The following CASQ2 variants were observed in gnomAD, a reference collection of about 807,000 sequenced individuals.
CASQ2 encodes calsequestrin 2, also known as calsequestrin-2.
CASQ2 carries 49 observed loss-of-function variants against 46.5 expected under a neutral mutation model. That is an observed-to-expected ratio of 1.05 (90% confidence interval 0.84 to 1.34). The LOEUF (loss-of-function observed/expected upper bound fraction) is 1.34. Among genes scored for constraint, CASQ2 ranks in the 40% most tolerant of loss-of-function variants. CASQ2 has a pLI of 0.00. For synonymous variants in CASQ2, 174 were observed against 168.5 expected, an observed-to-expected ratio of 1.03 and a Z score of -0.25; for missense variants, 486 against 481.3, an observed-to-expected ratio of 1.01 and a Z score of -0.09.
At chr1:115,728,354 A>G (rs1365925950) in intron 5 of CASQ2, among the ~76,000 whole-genome samples, 1 of 152,194 alleles carries the variant, frequency 6.6e-6, no homozygotes, top group Non-Finnish European at 1.5e-5. Flanking sequence ...GAGATCAAGA[A>G]AACAGGCCAT....
Position 115,701,330 on chromosome 1 carries a change from T to G in CASQ2, c.1111A>C (p.Asn371His). The change falls in exon 11 of 11, where the codon AAC becomes CAC. Residue 371 changes from asparagine to histidine, a missense_variant. Asn to His is a moderately conservative substitution (Grantham distance 68). Coordinates refer to ENST00000261448, the MANE Select transcript of CASQ2 (RefSeq NM_001232.4). Reference protein sequence around the residue: ...WIEDVLSGKINTEDDDEDDDD... With the variant: ...WIEDVLSGKIHTEDDDEDDDD... Reference sequence around the variant, plus strand: ...TCATCTTCATCATCATCTTCAGTGTTTATCTTTCCAGAAAGCACATCCTCA... The same window carrying G: ...TCATCTTCATCATCATCTTCAGTGTGTATCTTTCCAGAAAGCACATCCTCA... 2 of 1,611,976 alleles carry G rather than the reference T, an allele frequency of 1.2e-6. No homozygotes were observed. The highest frequency in any genetic ancestry group is 1.1e-5 in the South Asian group (1 of 91,020).
intron 4 of CASQ2, among the ~76,000 whole-genome samples, chr1:115,733,883 A>G (rs189026140): frequency 5.9e-5 from 9 of 152,346 alleles, no homozygotes; most frequent in African/African-American, 2.2e-4. Flanking sequence ...AGAATTTACT[A>G]AGATTCTATC....
intron 1 of CASQ2, among the ~76,000 whole-genome samples, chr1:115,746,007 C>T (rs1035527774): frequency 1.3e-5 from 2 of 152,320 alleles, no homozygotes. Context: ...TTACCCTGGG[C>T]AACCACTAAT....
In CASQ2 at chr1:115,768,611, G is replaced by T; in HGVS notation, c.-70C>A. 2.1e-6 allele frequency: 2 copies of T among 967,022 alleles called. No individual in the cohort carries two copies. Among genetic ancestry groups the T allele is most frequent in the Admixed American group, 1.9e-5 (1 of 51,414 alleles). 59.9% of individuals were successfully genotyped at this position (967,022 alleles called of 1,614,324 possible). A position where few individuals can be genotyped will look rare whatever the true frequency, so the allele number is the denominator to read the frequency against. On this transcript the variant is annotated 5_prime_UTR_variant, in exon 1 of 11. Transcript: ENST00000261448. ...AATAGAGGACAGAAGACTGTTAGAG[G>T]CCTTGTTGAGCCAAGGAGAGAGCAG...
At chr1:115,743,417 A>C (rs2101098910) in intron 2 of CASQ2, among the ~76,000 whole-genome samples, 1 of 151,880 alleles carries the variant, frequency 6.6e-6, no homozygotes, top group South Asian at 2.1e-4. Context: ...CTAATTTTTA[A>C]ATTTTTTGTA....
chr1:115,700,706 T>G lies in CASQ2; in HGVS notation c.*535A>C. 3 of 320,190 alleles carry G rather than the reference T, an allele frequency of 9.4e-6. No individual in the cohort carries two copies. The highest frequency in any genetic ancestry group is 2.1e-5 in the African/African-American group (1 of 47,228). The allele number at this position is 320,190 out of a possible 1,614,324, so 19.8% of individuals were successfully genotyped here. A position where few individuals can be genotyped will look rare whatever the true frequency, so the allele number is the denominator to read the frequency against. On this transcript the variant is annotated 3_prime_UTR_variant, in exon 11 of 11. Coordinates refer to ENST00000261448, the MANE Select transcript of CASQ2 (RefSeq NM_001232.4). Reference sequence around the variant, plus strand: ...GTTTAACAAAGCCATGAGAATATGATTTATAAGTTTGCTTCCAAGGCTGAG... The same window carrying G: ...GTTTAACAAAGCCATGAGAATATGAGTTATAAGTTTGCTTCCAAGGCTGAG...
chr1:115,737,450 C>T (rs1323304049), intron 4 of CASQ2, among the ~76,000 whole-genome samples: 2 of 152,144 alleles, frequency 1.3e-5, no homozygotes, highest in African/African-American at 4.8e-5. Flanking sequence ...TGAATGCTAC[C>T]AGAGTTATGC....
rs1654193811 is a variant in CASQ2 at position 115,701,265 on chromosome 1, GTCA to G, written c.1173_1175del (p.Asp392del). The G allele has an allele frequency of 1.2e-6, 2 of 1,604,408 alleles. No homozygotes were observed. Among genetic ancestry groups the G allele is most frequent in the African/African-American group, 1.3e-5 (1 of 74,790 alleles). ...GCTATTCATCATCATCGTCATCACT[GTCA>G]TCATTATCCTCTTCATCAGAATTAT... On this transcript the variant is annotated inframe_deletion, in exon 11 of 11. Transcript: ENST00000261448.
chr1:115,733,003 A>C (rs1647840723), intron 4 of CASQ2, 29 bp from the exon 5 acceptor site: 2 of 1,516,738 alleles, frequency 1.3e-6, no homozygotes, highest in African/African-American at 2.7e-5. Context: ...ATGAAGGGAG[A>C]GACATTTTCA....
At chr1:115,706,889 G>A (rs999464884) in intron 8 of CASQ2, among the ~76,000 whole-genome samples, 3 of 152,072 alleles carry the variant, frequency 2.0e-5, no homozygotes, top group Admixed American at 6.6e-5. Context: ...TGCATTCCAG[G>A]CAAAACGCAT....
chr1:115,766,907 A>G (rs970714972), intron 1 of CASQ2, among the ~76,000 whole-genome samples: 2 of 141,228 alleles, frequency 1.4e-5, no homozygotes, highest in African/African-American at 2.5e-5. Flanking sequence ...AGATAGATAG[A>G]TAGATAGATA....
At chr1:115,729,718 C>A (rs747828303) in intron 5 of CASQ2, among the ~76,000 whole-genome samples, 49 of 152,086 alleles carry the variant, frequency 3.2e-4, no homozygotes, top group Admixed American at 5.9e-4. Flanking sequence ...TTAGTTGTTG[C>A]CAATGAAACC....
chr1:115,718,868 A>G (rs747861758), intron 7 of CASQ2, among the ~76,000 whole-genome samples: 4 of 152,170 alleles, frequency 2.6e-5, no homozygotes, highest in Non-Finnish European at 4.4e-5. Flanking sequence ...CTCTGCTATC[A>G]CAAATGTGAT....
chr1:115,740,825 A>G lies in CASQ2; in HGVS notation c.323T>C (p.Phe108Ser). The G allele has an allele frequency of 6.2e-7, 1 of 1,607,100 alleles. No individual in the cohort carries two copies. Among genetic ancestry groups the G allele is most frequent in the African/African-American group, 1.3e-5 (1 of 74,890 alleles). Residue 108 changes from phenylalanine (F) to serine (S), a missense_variant, in exon 3 of 11, where the codon TTT becomes TCT. Coordinates refer to ENST00000261448, the MANE Select transcript of CASQ2 (RefSeq NM_001232.4). Reference sequence around the variant, plus strand: ...AATATACAGGCTTCCTTCTTCATCAAAACCTGTAAGAAACAAAGAGGCCCA... The same window carrying G: ...AATATACAGGCTTCCTTCTTCATCAGAACCTGTAAGAAACAAAGAGGCCCA... ...KEAKLAKKLG[F>S]DEEGSLYILK...
At chr1:115,761,429 GAAGAAGAAGA>G (rs1557806503) in intron 1 of CASQ2, among the ~76,000 whole-genome samples, 5 of 2,128 alleles carry the variant, frequency 2.3e-3, no homozygotes, top group Admixed American at 3.4e-3. Context: ...AGAAGAAGAA[GAAGAAGAAGA>G]AAGAAGAAGA....
chr1:115,700,209 GA>G lies in CASQ2; in HGVS notation c.*1031del, dbSNP rs1245895201. 6.9e-6 allele frequency: 1 copy of G among 145,814 alleles called. No individual in the cohort carries two copies. The highest frequency in any genetic ancestry group is 1.5e-5 in the Non-Finnish European group (1 of 66,172). 9.0% of individuals were successfully genotyped at this position (145,814 alleles called of 1,614,324 possible). On this transcript the variant is annotated 3_prime_UTR_variant, in exon 11 of 11. Transcript: ENST00000261448. Reference sequence around the variant, plus strand: ...CACAATGTAACTTTTAGACAGCTCAGAAGGCACTTTGGGATTTTTTTTTTTT... The same window carrying G: ...CACAATGTAACTTTTAGACAGCTCAGAGGCACTTTGGGATTTTTTTTTTTT...
chr1:115,706,198 G>C (rs1654356513), intron 8 of CASQ2, among the ~76,000 whole-genome samples: 1 of 150,724 alleles, frequency 6.6e-6, no homozygotes, highest in Non-Finnish European at 1.5e-5. Context: ...GTGTGTGCGT[G>C]TGTGTGTGCA....
intron 8 of CASQ2, among the ~76,000 whole-genome samples, chr1:115,711,553 T>C (rs531218669): frequency 1.3e-5 from 2 of 151,756 alleles, no homozygotes; most frequent in South Asian, 4.2e-4. Context: ...TCTTCTTCCT[T>C]TCTCTCCTCC....
intron 7 of CASQ2, among the ~76,000 whole-genome samples, chr1:115,725,085 G>T (rs1205171259): frequency 6.6e-6 from 1 of 152,036 alleles, no homozygotes; most frequent in Non-Finnish European, 1.5e-5. Context: ...TCATTTTTTT[G>T]AAACAGTGTC....
Sources: gnomAD v4.1 joint callset for allele counts (sites outside exome capture counted in the v4.1 genomes callset) on GRCh38, gnomAD v4.1.1 for gene constraint, MANE v1.5 for transcripts, NCBI Gene and HGNC (gene_info 2026-07-23, HGNC 2026-07-21) for gene names.